Variants in PGM5 observed in about 807,000 individuals in gnomAD.
The protein encoded by PGM5 is phosphoglucomutase-like protein 5.
Under a neutral mutation model 59.2 loss-of-function variants are expected in PGM5, and 23 were observed. That is an observed-to-expected ratio of 0.39 (90% CI 0.28 to 0.55). PGM5 has a LOEUF of 0.55. PGM5 is among the 20% of genes least tolerant of loss of function. The pLI is 0.66. For synonymous variants in PGM5, 214 were observed against 286.0 expected, an observed-to-expected ratio of 0.75 and a Z score of 2.54; for missense variants, 574 against 748.3, an observed-to-expected ratio of 0.77 and a Z score of 2.72.
intron 1 of PGM5, among the ~76,000 whole-genome samples, chr9:68,358,515 C>T (rs537030352): frequency 6.6e-6 from 1 of 152,296 alleles, no homozygotes; most frequent in African/African-American, 2.4e-5. Context: ...TGCAACCAGA[C>T]CCACACTCAT....
intron 1 of PGM5, among the ~76,000 whole-genome samples, chr9:68,374,766 A>G (rs1253200521): frequency 2.6e-5 from 4 of 152,268 alleles, no homozygotes; most frequent in African/African-American, 7.2e-5. Context: ...TATTTATTGT[A>G]TACTTACCAT....
At chr9:68,487,883 T>C (rs1180534576) in intron 9 of PGM5, among the ~76,000 whole-genome samples, 1 of 152,168 alleles carries the variant, frequency 6.6e-6, no homozygotes, top group Non-Finnish European at 1.5e-5. Context: ...GAGCCTCAAC[T>C]CTGCCACCTC....
At chr9:68,392,047 T>C (rs558238048) in intron 5 of PGM5, among the ~76,000 whole-genome samples, 5 of 152,248 alleles carry the variant, frequency 3.3e-5, no homozygotes, top group Admixed American at 6.5e-5. Context: ...CAGTGTTCTC[T>C]ATTATGTTTG....
Position 68,418,705 on chromosome 9 carries a change from AGCCCTG to A in PGM5, c.1043+26234_1043+26239del, listed in dbSNP as rs1222947042. 1.7e-4 allele frequency among the ~76,000 whole-genome samples: 26 copies of A among 151,818 alleles called. 1 individual carries two copies. In the South Asian group the frequency reaches 5.4e-3, roughly 32 times the overall value. On this transcript the variant is annotated intron_variant, in intron 6 of 10. Transcript: ENST00000396396. Reference sequence around the variant, plus strand: ...GATGGCTCCTTCTGAATGCCCTCTGAGCCCTGGGGGTCTTATCAGCTGGCTGCGGCG... The same window carrying A: ...GATGGCTCCTTCTGAATGCCCTCTGAGGGGTCTTATCAGCTGGCTGCGGCG...
At chr9:68,488,240 C>T (rs1437498613) in intron 9 of PGM5, among the ~76,000 whole-genome samples, 2 of 152,004 alleles carry the variant, frequency 1.3e-5, no homozygotes, top group African/African-American at 4.8e-5. Flanking sequence ...TATTTCTCCC[C>T]CTCTCCCATC....
chr9:68,463,835 C>T (rs531923393), intron 6 of PGM5, among the ~76,000 whole-genome samples: 13 of 152,160 alleles, frequency 8.5e-5, no homozygotes, highest in South Asian at 4.1e-4. Flanking sequence ...TGACATATGA[C>T]GGTTCAACTT....
chr9:68,479,526 C>T lies in PGM5; in HGVS notation c.1268C>T (p.Ala423Val). ...SVEEIVRDHWAKFGRHYYCRF... is the reference protein window; with the variant it reads ...SVEEIVRDHWVKFGRHYYCRF... ...GAGGAAATTGTCCGAGATCACTGGGCCAAATTTGGCCGCCACTACTATTGC... is the reference window on the plus strand; with the variant it reads ...GAGGAAATTGTCCGAGATCACTGGGTCAAATTTGGCCGCCACTACTATTGC... Residue 423 changes from alanine (A) to valine (V), a missense_variant, in exon 8 of 11, where the codon GCC becomes GTC. Coordinates refer to ENST00000396396, the MANE Select transcript of PGM5 (RefSeq NM_021965.4). 1 of 1,613,982 alleles carries T rather than the reference C, an allele frequency of 6.2e-7. No homozygotes were observed. Among genetic ancestry groups the T allele is most frequent in the Non-Finnish European group, 8.5e-7 (1 of 1,179,968 alleles).
chr9:68,375,299 G>A (rs1241631863), intron 1 of PGM5, among the ~76,000 whole-genome samples: 1 of 152,204 alleles, frequency 6.6e-6, no homozygotes, highest in African/African-American at 2.4e-5. Flanking sequence ...AGGCAAAAAT[G>A]CCAAAAGGCA....
At chr9:68,377,373 G>T (rs1554677881) in intron 1 of PGM5, among the ~76,000 whole-genome samples, 1 of 152,164 alleles carries the variant, frequency 6.6e-6, no homozygotes. Context: ...CAACCCCAGA[G>T]ATTGCAATAT....
At chr9:68,371,635 A>G (rs540571793) in intron 1 of PGM5, 2 of 149,234 alleles carry the variant, frequency 1.3e-5, no homozygotes, top group Non-Finnish European at 3.0e-5. Context: ...GCCTCAGAGA[A>G]GTTAAATGAT....
At chr9:68,525,782 C>T (rs948463539) in intron 10 of PGM5, among the ~76,000 whole-genome samples, 1 of 152,234 alleles carries the variant, frequency 6.6e-6, no homozygotes, top group South Asian at 2.1e-4. Context: ...GCTTGCCGGG[C>T]GTGGTGGCTC....
At chr9:68,521,937 G>A (rs1824905624) in intron 10 of PGM5, among the ~76,000 whole-genome samples, 1 of 152,134 alleles carries the variant, frequency 6.6e-6, no homozygotes, top group African/African-American at 2.4e-5. Flanking sequence ...ACAGGGCATG[G>A]AGCCAATTAG....
At chr9:68,447,499 C>T (rs1554684080) in intron 6 of PGM5, among the ~76,000 whole-genome samples, 1 of 152,034 alleles carries the variant, frequency 6.6e-6, no homozygotes, top group Non-Finnish European at 1.5e-5. Flanking sequence ...AGTCATATAA[C>T]CTCTCTGAGT....
intron 1 of PGM5, among the ~76,000 whole-genome samples, chr9:68,376,524 T>TGTGTGTGTG (rs1554677681): frequency 6.7e-6 from 1 of 148,550 alleles, no homozygotes; most frequent in African/African-American, 2.5e-5. Flanking sequence ...TGTGTGTGTG[T>TGTGTGTGTG]TTTGATCTCT....
chr9:68,466,061 A>G (rs1487416787), intron 7 of PGM5: 1 of 960,736 alleles, frequency 1.0e-6, no homozygotes, highest in Non-Finnish European at 1.4e-6. Flanking sequence ...TGTCCTTCTG[A>G]GGCTCCAATT....
intron 6 of PGM5, among the ~76,000 whole-genome samples, chr9:68,416,052 G>T (rs1250377768): frequency 6.6e-6 from 1 of 152,102 alleles, no homozygotes; most frequent in East Asian, 1.9e-4. Flanking sequence ...CAAATTCTAA[G>T]TAAGTGGAAT....
intron 10 of PGM5, among the ~76,000 whole-genome samples, chr9:68,511,021 T>C (rs960304359): frequency 1.3e-5 from 2 of 152,178 alleles, no homozygotes; most frequent in Admixed American, 6.5e-5. Flanking sequence ...AGCCTCTAAG[T>C]AGCAGGCTTC....
At chr9:68,412,734 T>C (rs1255052417) in intron 6 of PGM5, among the ~76,000 whole-genome samples, 1 of 152,256 alleles carries the variant, frequency 6.6e-6, no homozygotes, top group Non-Finnish European at 1.5e-5. Flanking sequence ...GGGACCATTT[T>C]CTTAACAGTT....
At chr9:68,422,053 T>A (rs1481157406) in intron 6 of PGM5, among the ~76,000 whole-genome samples, 1 of 152,000 alleles carries the variant, frequency 6.6e-6, no homozygotes, top group African/African-American at 2.4e-5. Context: ...ATTTATGTAT[T>A]GAATGACAGC....
Sources: allele counts gnomAD v4.1 joint callset (sites outside exome capture counted in the v4.1 genomes callset), GRCh38; gene constraint gnomAD v4.1.1; transcripts MANE v1.5; gene names NCBI Gene and HGNC (gene_info 2026-07-23, HGNC 2026-07-21).